The following LAMA2 variants were observed in gnomAD, a reference collection of about 807,000 sequenced individuals.
LAMA2 encodes laminin subunit alpha-2.
In LAMA2, 269 loss-of-function variants were observed where a neutral mutation model predicts 364.8. The observed-to-expected ratio is 0.74, with a 90% CI of 0.67 to 0.82. The LOEUF is 0.82. Ranked by LOEUF, LAMA2 falls within the 40% of genes least tolerant of loss-of-function variation. The pLI, the probability that LAMA2 is intolerant of heterozygous loss-of-function variation, is 0.00. For synonymous variants in LAMA2, 1,379 were observed against 1,370.6 expected (o/e 1.01, Z -0.14); for missense variants, 3,807 against 3,873.2 (o/e 0.98, Z 0.45).
intron 6 of LAMA2, among the ~76,000 whole-genome samples, chr6:129,147,507 G>A (rs181782803): frequency 6.6e-6 from 1 of 151,898 alleles, no homozygotes; most frequent in Non-Finnish European, 1.5e-5. Flanking sequence ...GGGGGTGGAG[G>A]GGGTGGAGTG....
At chr6:129,462,370 T>C (rs1278775975) in intron 49 of LAMA2, among the ~76,000 whole-genome samples, 1 of 151,848 alleles carries the variant, frequency 6.6e-6, no homozygotes, top group Admixed American at 6.6e-5. Context: ...CATTCACCCA[T>C]ATGCCTGCCT....
Position 129,495,388 on chromosome 6 carries a change from T to A in LAMA2, c.8244+2905T>A, listed in dbSNP as rs1038568447. ...CCTCCATGATCAGTATTCTTAAATTTGAAATATTCCCTTCATAATATGGCA... is the reference window on the plus strand; with the variant it reads ...CCTCCATGATCAGTATTCTTAAATTAGAAATATTCCCTTCATAATATGGCA... On this transcript the variant is annotated intron_variant, in intron 58 of 64. Transcript: ENST00000421865. Among the ~76,000 whole-genome samples, 25 of 152,294 alleles carry A rather than the reference T, an allele frequency of 1.6e-4. No homozygotes were observed. In the East Asian group the frequency reaches 4.8e-3, roughly 29 times the overall value.
At chr6:129,330,602 T>TG (rs1562466376) in intron 29 of LAMA2, among the ~76,000 whole-genome samples, 1 of 63,026 alleles carries the variant, frequency 1.6e-5, no homozygotes, top group African/African-American at 4.8e-5. Context: ...GTTTTTGTTT[T>TG]TTTTTTTTTT....
At chr6:129,011,906 G>A (rs1159223406) in intron 1 of LAMA2, among the ~76,000 whole-genome samples, 10 of 152,242 alleles carry the variant, frequency 6.6e-5, no homozygotes, top group African/African-American at 1.7e-4. Flanking sequence ...GTTTTATCTG[G>A]TAACAGACAA....
chr6:129,015,957 T>C (rs1785045287), intron 1 of LAMA2, among the ~76,000 whole-genome samples: 2 of 151,982 alleles, frequency 1.3e-5, no homozygotes, highest in African/African-American at 2.4e-5. Context: ...AGCAGGAGGT[T>C]CTTTTTCAGT....
intron 21 of LAMA2, among the ~76,000 whole-genome samples, chr6:129,298,522 G>C (rs985613007): frequency 2.6e-5 from 4 of 152,186 alleles, no homozygotes; most frequent in Admixed American, 2.6e-4. Context: ...TGAAAGTAAA[G>C]AGTGAACATT....
intron 30 of LAMA2, 56 bp from the exon 31 acceptor site, chr6:129,349,242 A>G (rs1776724247): frequency 1.5e-6 from 2 of 1,358,178 alleles, no homozygotes; most frequent in African/African-American, 1.4e-5. Context: ...TAGGAATACT[A>G]TTTTATAAAA....
intron 1 of LAMA2, among the ~76,000 whole-genome samples, chr6:128,961,271 TC>T (rs1781471683): frequency 7.2e-6 from 1 of 138,440 alleles, no homozygotes; most frequent in South Asian, 2.4e-4. Flanking sequence ...TTATTAAATT[TC>T]CCTAGAGAAT....
chr6:129,473,897 C>T (rs1783939802), intron 52 of LAMA2, among the ~76,000 whole-genome samples: 1 of 151,940 alleles, frequency 6.6e-6, no homozygotes, highest in African/African-American at 2.4e-5. Context: ...TATGGGGAGA[C>T]ACATTTGCTT....
At chr6:129,136,260 T>A (rs1035994697) in intron 4 of LAMA2, among the ~76,000 whole-genome samples, 4 of 152,200 alleles carry the variant, frequency 2.6e-5, no homozygotes, top group East Asian at 3.9e-4. Flanking sequence ...GTAAATGCTT[T>A]GTTGGTTGCT....
chr6:129,397,932 G>A (rs1372638904), intron 37 of LAMA2, among the ~76,000 whole-genome samples: 8 of 91,456 alleles, frequency 8.7e-5, no homozygotes, highest in Non-Finnish European at 4.2e-5. Context: ...GTGAGACTCC[G>A]TCTCAGAAAA....
At position 129,366,259 on chromosome 6, in the gene LAMA2, G is replaced by T; in HGVS notation, c.4758G>T (p.Leu1586Phe). The change falls in exon 33 of 65, where the codon TTG (leucine) becomes TTT (phenylalanine). Residue 1586 changes from leucine to phenylalanine, a missense_variant. Physicochemically the swap from Leu to Phe is conservative, Grantham distance 22. Coordinates refer to ENST00000421865, the MANE Select transcript of LAMA2 (RefSeq NM_000426.4). The part of the protein sequence containing the change: ...DECTGLLLGD[L>F]ARLEQMVMSI... The stretch of plus-strand genomic sequence containing the variant: ...GCACTGGCCTTCTTCTCGGTGACTT[G>T]GCTCGCCTGGAGCAGATGGTCATGA... 2 of 1,613,846 alleles carry T rather than the reference G, an allele frequency of 1.2e-6. No homozygotes were observed. Among genetic ancestry groups the T allele is most frequent in the Non-Finnish European group, 8.5e-7 (1 of 1,179,952 alleles).
chr6:128,927,977 T>A (rs1298892328), intron 1 of LAMA2, among the ~76,000 whole-genome samples: 1 of 152,244 alleles, frequency 6.6e-6, no homozygotes, highest in Non-Finnish European at 1.5e-5. Flanking sequence ...CTTTCCTCTC[T>A]GTAAAGTACA....
intron 40 of LAMA2, among the ~76,000 whole-genome samples, chr6:129,420,001 A>G (rs1002205575): frequency 1.3e-5 from 2 of 152,168 alleles, no homozygotes; most frequent in African/African-American, 4.8e-5. Context: ...TTTTTAAATT[A>G]TTATAAAAGC....
intron 15 of LAMA2, among the ~76,000 whole-genome samples, chr6:129,264,586 A>T (rs1236464118): frequency 6.6e-6 from 1 of 152,192 alleles, no homozygotes; most frequent in Non-Finnish European, 1.5e-5. Context: ...CAATTGATTT[A>T]AAAAAGAGAG....
intron 40 of LAMA2, among the ~76,000 whole-genome samples, chr6:129,406,267 C>T (rs1042540862): frequency 6.6e-6 from 1 of 152,078 alleles, no homozygotes; most frequent in African/African-American, 2.4e-5. Context: ...GGAAGTGGAT[C>T]CTTTATAAGC....
intron 12 of LAMA2, 123 bp downstream of exon 12, chr6:129,192,976 C>G: frequency 9.6e-7 from 1 of 1,037,732 alleles, no homozygotes; most frequent in Non-Finnish European, 1.4e-6. Context: ...TTGCCAGAAC[C>G]AGCTAAATCA....
intron 1 of LAMA2, among the ~76,000 whole-genome samples, chr6:128,981,004 A>G (rs977870502): frequency 6.6e-6 from 1 of 152,148 alleles, no homozygotes; most frequent in African/African-American, 2.4e-5. Context: ...ACTTACCTCA[A>G]ACTAAACAAA....
chr6:129,513,027 A>G (rs1786725892), intron 63 of LAMA2, among the ~76,000 whole-genome samples: 1 of 152,194 alleles, frequency 6.6e-6, no homozygotes, highest in East Asian at 1.9e-4. Flanking sequence ...AATAATTGAT[A>G]ATCAAATTCT....
Sources: allele counts gnomAD v4.1 joint callset (sites outside exome capture counted in the v4.1 genomes callset), GRCh38; gene constraint gnomAD v4.1.1; transcripts MANE v1.5; gene names NCBI Gene and HGNC (gene_info 2026-07-23, HGNC 2026-07-21).